Variants in ADIPOR2 observed in about 807,000 individuals in gnomAD.
ADIPOR2 encodes the protein adiponectin receptor protein 2.
Under a neutral mutation model 40.9 loss-of-function variants are expected in ADIPOR2, and 18 were observed. The ratio of observed to expected loss-of-function variants is 0.44; its 90% CI spans 0.30 to 0.65. The LOEUF is 0.65. ADIPOR2 is among the 30% of genes least tolerant of loss of function. The probability of loss-of-function intolerance (pLI) is 0.09; values close to 1 mark genes in which losing one functional copy is unlikely to be tolerated. For missense variants in ADIPOR2, 283 were observed against 479.2 expected (o/e 0.59, Z 3.82); for synonymous variants, 165 against 166.4 (o/e 0.99, Z 0.06).
Position 1,780,662 on chromosome 12 carries a change from T to G in ADIPOR2, c.650+25T>G, listed in dbSNP as rs760569084. 1.3e-5 allele frequency: 20 copies of G among 1,525,994 alleles called. No homozygotes were observed. In the South Asian group the frequency reaches 2.4e-4, roughly 19 times the overall value. The allele number at this position is 1,525,994 out of a possible 1,614,324, so 94.5% of individuals were successfully genotyped here. ...AGTAAGTATCTGTAAAGTCCGTATT[T>G]TGGCCAATGATTTAGAGGTAGTGCG... is the stretch of plus-strand genomic sequence containing the variant. On this transcript the variant is annotated intron_variant, in intron 5 of 7. Coordinates refer to ENST00000357103, the MANE Select transcript of ADIPOR2 (RefSeq NM_024551.3).
At chr12:1,779,209 A>G (rs1353089507) in intron 4 of ADIPOR2, among the ~76,000 whole-genome samples, 1 of 152,246 alleles carries the variant, frequency 6.6e-6, no homozygotes, top group Non-Finnish European at 1.5e-5. Context: ...TCACATAAAA[A>G]CATGAACACA....
Position 1,723,481 on chromosome 12 carries a change from A to G in ADIPOR2, c.-86-30777A>G, listed in dbSNP as rs540444435. On this transcript the variant is annotated intron_variant, in intron 1 of 7. Transcript: ENST00000357103. Reference sequence around the variant, plus strand: ...CTCTACTGAAAAAAAAAAAAAAAAAAAAAAAATTAGCCAGGCGTGGTGGTG... The same window carrying G: ...CTCTACTGAAAAAAAAAAAAAAAAAGAAAAAATTAGCCAGGCGTGGTGGTG... Among the ~76,000 whole-genome samples the G allele has an allele frequency of 9.1e-4, 138 of 150,954 alleles. 3 individuals are homozygous for G. Among genetic ancestry groups the G allele is most frequent in the African/African-American group, 3.2e-3 (132 of 40,870 alleles).
intron 1 of ADIPOR2, among the ~76,000 whole-genome samples, chr12:1,726,771 A>C (rs1417316570): frequency 6.6e-6 from 1 of 151,754 alleles, no homozygotes; most frequent in African/African-American, 2.4e-5. Flanking sequence ...CTGTTTCCTG[A>C]GTTTAAATTT....
intron 1 of ADIPOR2, among the ~76,000 whole-genome samples, chr12:1,747,279 G>C (rs1300762370): frequency 1.3e-5 from 2 of 152,076 alleles, no homozygotes; most frequent in Admixed American, 1.3e-4. Flanking sequence ...AATCACAATG[G>C]AATGAAAGTG....
At chr12:1,744,518 G>A (rs1012290574) in intron 1 of ADIPOR2, among the ~76,000 whole-genome samples, 2 of 151,720 alleles carry the variant, frequency 1.3e-5, no homozygotes, top group Non-Finnish European at 2.9e-5. Flanking sequence ...GTATTTTTTT[G>A]TAGAGATGGG....
At chr12:1,709,047 C>T (rs1332217147) in intron 1 of ADIPOR2, among the ~76,000 whole-genome samples, 3 of 152,110 alleles carry the variant, frequency 2.0e-5, no homozygotes, top group East Asian at 1.9e-4. Flanking sequence ...GCCAGTACTA[C>T]ACTTGATTAC....
At chr12:1,743,805 C>G (rs954796534) in intron 1 of ADIPOR2, among the ~76,000 whole-genome samples, 19 of 152,108 alleles carry the variant, frequency 1.2e-4, no homozygotes, top group Admixed American at 9.8e-4. Context: ...AAGAGTCTTG[C>G]ATTTGATGAA....
chr12:1,782,526 C>T (rs1207777525), intron 6 of ADIPOR2, among the ~76,000 whole-genome samples: 1 of 152,060 alleles, frequency 6.6e-6, no homozygotes, highest in Non-Finnish European at 1.5e-5. Flanking sequence ...TTTTTTCCAT[C>T]ATGACATTTT....
chr12:1,758,494 C>T (rs777782834), intron 2 of ADIPOR2, among the ~76,000 whole-genome samples: 1 of 152,078 alleles, frequency 6.6e-6, no homozygotes, highest in Non-Finnish European at 1.5e-5. Flanking sequence ...TGAAAATTTG[C>T]GTGTGTATGT....
chr12:1,697,867 T>A (rs1323042399), intron 1 of ADIPOR2: 2 of 152,452 alleles, frequency 1.3e-5, no homozygotes, highest in Non-Finnish European at 2.9e-5. Flanking sequence ...GTGCCATAAA[T>A]ATCACCAGCT....
At chr12:1,712,587 G>C (rs748296906) in intron 1 of ADIPOR2, among the ~76,000 whole-genome samples, 8 of 152,078 alleles carry the variant, frequency 5.3e-5, no homozygotes, top group Non-Finnish European at 1.0e-4. Context: ...TTTGTCTTGT[G>C]GGAAGGCTTA....
At chr12:1,773,678 C>T (rs1256553945) in intron 3 of ADIPOR2, among the ~76,000 whole-genome samples, 2 of 152,074 alleles carry the variant, frequency 1.3e-5, no homozygotes, top group Non-Finnish European at 2.9e-5. Context: ...TGTGTGTATA[C>T]GTATGTGTAT....
chr12:1,709,876 C>T (rs766606234), intron 1 of ADIPOR2, among the ~76,000 whole-genome samples: 10 of 152,088 alleles, frequency 6.6e-5, no homozygotes, highest in Admixed American at 2.0e-4. Context: ...TTGTGTATAC[C>T]GTCAGATGAT....
At chr12:1,764,011 C>T (rs1862323654) in intron 2 of ADIPOR2, among the ~76,000 whole-genome samples, 1 of 152,086 alleles carries the variant, frequency 6.6e-6, no homozygotes, top group Non-Finnish European at 1.5e-5. Flanking sequence ...ATGTATATTC[C>T]AAGAATATTG....
intron 1 of ADIPOR2, among the ~76,000 whole-genome samples, chr12:1,722,254 A>G (rs1446179100): frequency 1.3e-5 from 2 of 152,230 alleles, no homozygotes; most frequent in Non-Finnish European, 2.9e-5. Flanking sequence ...GATCAAGGCA[A>G]ATCCTAGGAC....
chr12:1,735,340 T>G (rs2094728142), intron 1 of ADIPOR2, among the ~76,000 whole-genome samples: 1 of 152,196 alleles, frequency 6.6e-6, no homozygotes, highest in Non-Finnish European at 1.5e-5. Flanking sequence ...CCTAGGTATT[T>G]TATTCTCTTT....
At chr12:1,743,474 C>G (rs376284844) in intron 1 of ADIPOR2, among the ~76,000 whole-genome samples, 1 of 151,910 alleles carries the variant, frequency 6.6e-6, no homozygotes. Flanking sequence ...AGTTCAAAAC[C>G]AGCCTGGGCA....
intron 2 of ADIPOR2, among the ~76,000 whole-genome samples, chr12:1,763,928 A>G (rs557166604): frequency 2.0e-5 from 3 of 152,338 alleles, no homozygotes; most frequent in South Asian, 4.1e-4. Context: ...GCAGTGAGCC[A>G]TGATTGTGCC....
chr12:1,708,211 C>G (rs1174072098), intron 1 of ADIPOR2, among the ~76,000 whole-genome samples: 1 of 145,416 alleles, frequency 6.9e-6, no homozygotes, highest in African/African-American at 2.5e-5. Context: ...AAATAAGGGA[C>G]TTGAGCATCC....
Sources: allele counts gnomAD v4.1 joint callset (sites outside exome capture counted in the v4.1 genomes callset), GRCh38; gene constraint gnomAD v4.1.1; transcripts MANE v1.5; gene names NCBI Gene and HGNC (gene_info 2026-07-23, HGNC 2026-07-21).